Variants in ANO10 observed in about 807,000 individuals in gnomAD.
The protein encoded by ANO10 is anoctamin 10.
ANO10 carries 77 observed loss-of-function variants against 74.7 expected under a neutral mutation model. That is an observed-to-expected ratio of 1.03 (90% CI 0.86 to 1.25). The LOEUF is 1.25. Among genes scored for constraint, ANO10 ranks in the 50% most tolerant of loss-of-function variants. ANO10 has a pLI of 0.00. For missense variants in ANO10, 721 were observed against 778.1 expected (o/e 0.93, Z 0.87); for synonymous variants, 279 against 284.9 (o/e 0.98, Z 0.21).
intron 4 of ANO10, among the ~76,000 whole-genome samples, chr3:43,593,203 G>C (rs930113311): frequency 2.6e-5 from 4 of 152,172 alleles, no homozygotes; most frequent in Admixed American, 6.5e-5. Flanking sequence ...TTATCCAAGA[G>C]AACTTCCCCA....
chr3:43,689,224 C>T (rs1191737298), intron 1 of ANO10: 1 of 152,208 alleles, frequency 6.6e-6, no homozygotes, highest in Admixed American at 6.5e-5. Flanking sequence ...GAGGACAACA[C>T]CCAAATTGTA....
chr3:43,418,597 T>C (rs2092776381), intron 12 of ANO10, among the ~76,000 whole-genome samples: 1 of 152,248 alleles, frequency 6.6e-6, no homozygotes, highest in African/African-American at 2.4e-5. Flanking sequence ...AGTTCATCTG[T>C]CACCCAGCCT....
chr3:43,402,386 C>T (rs74652506), intron 12 of ANO10, among the ~76,000 whole-genome samples: 14,549 of 152,144 alleles, frequency 0.096, 942 homozygotes, highest in Non-Finnish European at 0.14. Context: ...TTATCATTCC[C>T]ATGTTTCTTT....
rs1193501922 is a variant in ANO10, at chr3:43,470,405, G to A, written c.1798-37678C>T. Reference sequence around the variant, plus strand: ...GTCTCGTTCTGTCGCCCAGGCTGGAGTGCAGTGGCGCACTCTTGGCTCACT... The same window carrying A: ...GTCTCGTTCTGTCGCCCAGGCTGGAATGCAGTGGCGCACTCTTGGCTCACT... On this transcript the variant is annotated intron_variant, in intron 11 of 12. Transcript: ENST00000292246. Among the ~76,000 whole-genome samples, 3 of 152,170 alleles carry A rather than the reference G, an allele frequency of 2.0e-5. No individual in the cohort carries two copies. In the East Asian group the frequency reaches 5.8e-4, roughly 29 times the overall value.
At chr3:43,679,308 C>T (rs569775645) in intron 1 of ANO10, among the ~76,000 whole-genome samples, 5 of 152,296 alleles carry the variant, frequency 3.3e-5, no homozygotes, top group South Asian at 2.1e-4. Flanking sequence ...GTGCATGGCT[C>T]GGAGGGTCCT....
chr3:43,541,504 T>A lies in ANO10; in HGVS notation c.1797+8216A>T, dbSNP rs570235376. 3.3e-5 allele frequency among the ~76,000 whole-genome samples: 5 copies of A among 152,294 alleles called. No individual in the cohort carries two copies. The South Asian group carries it at 1.0e-3, about 32-fold the overall frequency. Reference sequence around the variant, plus strand: ...TTGCCTTTTCTTATAAATGATATAATTTTAATATTTTACTTAAGGGTTTTC... The same window carrying A: ...TTGCCTTTTCTTATAAATGATATAAATTTAATATTTTACTTAAGGGTTTTC... On this transcript the variant is annotated intron_variant, in intron 11 of 12. Transcript: ENST00000292246.
At chr3:43,479,800 C>T (rs955143129) in intron 11 of ANO10, among the ~76,000 whole-genome samples, 22 of 152,136 alleles carry the variant, frequency 1.4e-4, no homozygotes, top group African/African-American at 5.3e-4. Context: ...GACCTCAGAA[C>T]GGCTGCAGAA....
intron 11 of ANO10, among the ~76,000 whole-genome samples, chr3:43,527,049 A>ACG (rs1262049422): frequency 1.0e-5 from 1 of 98,994 alleles, no homozygotes; most frequent in Non-Finnish European, 2.4e-5. Context: ...ACACACACAC[A>ACG]CACACACACA....
intron 4 of ANO10, among the ~76,000 whole-genome samples, chr3:43,593,198 C>G: frequency 6.6e-6 from 1 of 152,116 alleles, no homozygotes; most frequent in Non-Finnish European, 1.5e-5. Flanking sequence ...GGATATTATC[C>G]AAGAGAACTT....
intron 12 of ANO10, among the ~76,000 whole-genome samples, chr3:43,391,260 T>C (rs554872860): frequency 1.8e-4 from 27 of 152,340 alleles, no homozygotes; most frequent in African/African-American, 5.8e-4. Flanking sequence ...ATCAAAATGA[T>C]AAAATTCAGA....
chr3:43,509,874 A>T (rs768296615), intron 11 of ANO10, among the ~76,000 whole-genome samples: 33 of 152,228 alleles, frequency 2.2e-4, no homozygotes, highest in Non-Finnish European at 3.5e-4. Flanking sequence ...AATAAAAAGG[A>T]ATAAGCTACT....
At chr3:43,537,640 C>T (rs184204801) in intron 11 of ANO10, among the ~76,000 whole-genome samples, 8 of 151,890 alleles carry the variant, frequency 5.3e-5, no homozygotes, top group Admixed American at 5.3e-4. Flanking sequence ...CACACACACA[C>T]ACACACACAC....
chr3:43,393,460 C>T (rs1452010191), intron 12 of ANO10, among the ~76,000 whole-genome samples: 1 of 152,168 alleles, frequency 6.6e-6, no homozygotes, highest in South Asian at 2.1e-4. Flanking sequence ...TGGCCACATC[C>T]CCAATCTGTC....
At chr3:43,484,974 A>C (rs1195140383) in intron 11 of ANO10, 1 of 1,367,652 alleles carries the variant, frequency 7.3e-7, no homozygotes, top group African/African-American at 1.4e-5. Context: ...CCCTGCACCT[A>C]GAAGAAGGTG....
At chr3:43,459,577 G>A (rs2075289976) in intron 11 of ANO10, among the ~76,000 whole-genome samples, 1 of 152,214 alleles carries the variant, frequency 6.6e-6, no homozygotes, top group Non-Finnish European at 1.5e-5. Context: ...ACATGGCTAA[G>A]AGGCATGATG....
At chr3:43,568,594 A>G (rs2080507092) in intron 7 of ANO10, among the ~76,000 whole-genome samples, 1 of 149,100 alleles carries the variant, frequency 6.7e-6, no homozygotes, top group Non-Finnish European at 1.5e-5. Context: ...TACTGGGTAC[A>G]TAACGAAATG....
At chr3:43,482,293 T>C (rs1339392435) in intron 11 of ANO10, among the ~76,000 whole-genome samples, 1 of 152,176 alleles carries the variant, frequency 6.6e-6, no homozygotes, top group Non-Finnish European at 1.5e-5. Context: ...CTTGGGCACA[T>C]GTTCTCAGGA....
chr3:43,639,110 G>C (rs1007233836), intron 1 of ANO10: 10 of 152,454 alleles, frequency 6.6e-5, no homozygotes, highest in East Asian at 5.8e-4. Flanking sequence ...CAGAGAGAGA[G>C]AGCGAGCAAG....
chr3:43,573,791 A>G (rs972065381), intron 7 of ANO10, among the ~76,000 whole-genome samples: 4 of 152,142 alleles, frequency 2.6e-5, no homozygotes, highest in Non-Finnish European at 4.4e-5. Context: ...GAACCTTTTG[A>G]ACTTTGGAAA....
Sources: gnomAD v4.1 joint callset for allele counts (sites outside exome capture counted in the v4.1 genomes callset) on GRCh38, gnomAD v4.1.1 for gene constraint, MANE v1.5 for transcripts, NCBI Gene and HGNC (gene_info 2026-07-23, HGNC 2026-07-21) for gene names.